The following ARID1B variants were observed in gnomAD, a reference collection of about 807,000 sequenced individuals.
ARID1B encodes the protein AT-rich interactive domain-containing protein 1B.
ARID1B carries 30 observed loss-of-function variants against 212.3 expected under a neutral mutation model. The observed-to-expected ratio is 0.14, with a 90% CI of 0.11 to 0.19. The LOEUF (loss-of-function observed/expected upper bound fraction) is 0.19, where lower values mean the gene tolerates loss of function less well. ARID1B is among the 10% of genes least tolerant of loss of function. The pLI is 1.00. For missense variants in ARID1B, 2,891 were observed against 3,204.0 expected (o/e 0.90, Z 2.36); for synonymous variants, 1,402 against 1,301.7 (o/e 1.08, Z -1.66).
chr6:156,954,963 C>A (rs1331156520), intron 4 of ARID1B, among the ~76,000 whole-genome samples: 1 of 152,260 alleles, frequency 6.6e-6, no homozygotes, highest in East Asian at 1.9e-4. Context: ...CCACCTGGCC[C>A]GCTTTGTGTT....
intron 4 of ARID1B, among the ~76,000 whole-genome samples, chr6:156,994,488 T>A (rs1562535151): frequency 6.6e-6 from 1 of 151,494 alleles, no homozygotes; most frequent in Non-Finnish European, 1.5e-5. Context: ...AAATGATACT[T>A]AAAACAAATA....
intron 1 of ARID1B, among the ~76,000 whole-genome samples, chr6:156,828,481 A>G (rs914516597): frequency 6.6e-6 from 1 of 152,160 alleles, no homozygotes; most frequent in African/African-American, 2.4e-5. Flanking sequence ...TGTTCCTTTG[A>G]CGTCCCAGGA....
chr6:157,083,403 G>A (rs1251394663), intron 4 of ARID1B, among the ~76,000 whole-genome samples: 2 of 152,158 alleles, frequency 1.3e-5, no homozygotes, highest in Non-Finnish European at 2.9e-5. Context: ...TCATTGCAAC[G>A]GGGATGCACT....
chr6:157,130,860 C>G (rs1056965258), intron 6 of ARID1B, among the ~76,000 whole-genome samples: 1 of 152,208 alleles, frequency 6.6e-6, no homozygotes, highest in Admixed American at 6.5e-5. Flanking sequence ...CACCTGGTAA[C>G]GTGGGCCCCT....
chr6:156,827,737 C>T (rs950219432), intron 1 of ARID1B, among the ~76,000 whole-genome samples: 1 of 150,682 alleles, frequency 6.6e-6, no homozygotes, highest in Non-Finnish European at 1.5e-5. Flanking sequence ...GTGTTATTCC[C>T]CTTTATCCTG....
intron 11 of ARID1B, among the ~76,000 whole-genome samples, chr6:157,179,393 G>A (rs1018083601): frequency 6.6e-6 from 1 of 151,946 alleles, no homozygotes; most frequent in African/African-American, 2.4e-5. Flanking sequence ...TGGGTACAAG[G>A]ATATGAAAAA....
chr6:157,154,719 C>T (rs1420614810), intron 8 of ARID1B, among the ~76,000 whole-genome samples: 2 of 151,878 alleles, frequency 1.3e-5, no homozygotes, highest in African/African-American at 4.8e-5. Flanking sequence ...GCTGGGACTA[C>T]AGGCACCTGC....
chr6:156,957,910 A>G (rs1794087340), intron 4 of ARID1B, among the ~76,000 whole-genome samples: 1 of 152,162 alleles, frequency 6.6e-6, no homozygotes, highest in African/African-American at 2.4e-5. Context: ...GGAGTTCTGT[A>G]TTCTGCTAGG....
rs2128316509 is a variant in ARID1B at position 157,180,961 on chromosome 6, G to C, written c.3505-8G>C. 1 of 1,609,690 alleles carries C rather than the reference G, an allele frequency of 6.2e-7. No individual in the cohort carries two copies. Among genetic ancestry groups the C allele is most frequent in the Non-Finnish European group, 8.5e-7 (1 of 1,177,108 alleles). On this transcript the variant is annotated splice_polypyrimidine_tract_variant and splice_region_variant and intron_variant, in intron 11 of 19. Transcript: ENST00000636930. ...GCCCCACCTCCACATGCTGCTTCTG[G>C]GTACTAGAAGTCCAGCTCCTCCACC...
chr6:156,901,580 G>A (rs1050716599), intron 3 of ARID1B, 55 bp downstream of exon 3: 11 of 1,550,884 alleles, frequency 7.1e-6, no homozygotes, highest in Admixed American at 2.1e-5. Context: ...AGGCAGACCC[G>A]GCTCTGAATC....
At chr6:156,842,106 A>T (rs887108718) in intron 2 of ARID1B, among the ~76,000 whole-genome samples, 11 of 152,210 alleles carry the variant, frequency 7.2e-5, no homozygotes, top group African/African-American at 1.9e-4. Flanking sequence ...CACTTAGAGG[A>T]ATTTTTTTGA....
At position 157,007,726 on chromosome 6, in the gene ARID1B, G is replaced by GTT. The variant is rs34711541; in HGVS notation, c.2247+72166_2247+72167dup. On this transcript the variant is annotated intron_variant, in intron 4 of 19. Transcript: ENST00000636930. ...GCAATAGTTAAGGAAGCCCTAAGTT[G>GTT]TTTTTTTTTTTTTTTTTCCCCAAGA... Among the ~76,000 whole-genome samples the GTT allele has an allele frequency of 4.4e-3, 608 of 138,412 alleles. 6 individuals are homozygous for GTT. Among genetic ancestry groups the GTT allele is most frequent in the African/African-American group, 0.015 (569 of 37,434 alleles). 90.8% of individuals were successfully genotyped at this position (138,412 alleles called of 152,430 possible).
intron 3 of ARID1B, among the ~76,000 whole-genome samples, 170 bp from the exon 4 acceptor site, chr6:156,935,296 T>C (rs1267228776): frequency 6.6e-6 from 1 of 152,082 alleles, no homozygotes; most frequent in Non-Finnish European, 1.5e-5. Flanking sequence ...CCCAGGCTGG[T>C]CTTGAACTCC....
At chr6:156,837,331 A>G (rs1783579769) in intron 2 of ARID1B, among the ~76,000 whole-genome samples, 2 of 152,204 alleles carry the variant, frequency 1.3e-5, no homozygotes, top group Non-Finnish European at 1.5e-5. Flanking sequence ...TTTTTAAGAC[A>G]TTGCTACTTT....
intron 4 of ARID1B, among the ~76,000 whole-genome samples, chr6:156,974,540 C>A (rs1777111268): frequency 6.6e-6 from 1 of 152,110 alleles, no homozygotes; most frequent in Non-Finnish European, 1.5e-5. Context: ...GAACCAAAAA[C>A]CCCCACATGT....
Position 156,778,551 on chromosome 6 carries a change from C to A in ARID1B, c.871C>A (p.Leu291Met), listed in dbSNP as rs1470213493. ...GRYEHPGLGA[L>M]GTQQPPVAVP... ...CTACGAGCACCCGGGCTTGGGCGCC[C>A]TGGGCACGCAGCAGCCGCCGGTCGC... Residue 291 changes from leucine to methionine, a missense_variant, in exon 1 of 20, where the codon CTG (leucine) becomes ATG (methionine). Physicochemically the swap from Leu to Met is conservative, Grantham distance 15. Around this residue, in one of 7 missense-constraint regions of ARID1B, gnomAD observed 1,643 missense variants for 1,544.0 expected, o/e 1.06. Coordinates refer to ENST00000636930, the MANE Select transcript of ARID1B (RefSeq NM_001374828.1). The A allele has an allele frequency of 8.1e-7, 1 of 1,231,068 alleles. No homozygotes were observed. The allele number at this position is 1,231,068 out of a possible 1,614,324, so 76.3% of individuals were successfully genotyped here.
chr6:156,944,139 AGTGT>A (rs1792880451), intron 4 of ARID1B, among the ~76,000 whole-genome samples: 1 of 152,184 alleles, frequency 6.6e-6, no homozygotes, highest in African/African-American at 2.4e-5. Context: ...CATCTTTGTT[AGTGT>A]ATGAGAAAAA....
At chr6:156,997,330 CTG>C (rs1778652167) in intron 4 of ARID1B, among the ~76,000 whole-genome samples, 1 of 152,182 alleles carries the variant, frequency 6.6e-6, no homozygotes, top group African/African-American at 2.4e-5. Context: ...ACCCTGCACT[CTG>C]TGTTACAGCT....
chr6:156,831,949 T>C (rs1385007847), intron 2 of ARID1B, among the ~76,000 whole-genome samples: 1 of 152,254 alleles, frequency 6.6e-6, no homozygotes, highest in African/African-American at 2.4e-5. Flanking sequence ...AAGTCATGGG[T>C]CTAAATAATC....
Sources: allele counts gnomAD v4.1 joint callset (sites outside exome capture counted in the v4.1 genomes callset), GRCh38; gene constraint gnomAD v4.1.1; regional missense constraint gnomAD v4.1.1; transcripts MANE v1.5; gene names NCBI Gene and HGNC (gene_info 2026-07-23, HGNC 2026-07-21).